FECH: variants seen among roughly 807,000 people sequenced by gnomAD.
FECH encodes ferrochelatase, mitochondrial.
FECH carries 40 observed loss-of-function variants against 56.9 expected under a neutral mutation model. The observed-to-expected ratio is 0.70, with a 90% CI of 0.55 to 0.92. The LOEUF (loss-of-function observed/expected upper bound fraction) is 0.92. FECH is among the 40% of genes least tolerant of loss of function. The pLI, the probability that FECH is intolerant of heterozygous loss-of-function variation, is 0.00. For synonymous variants in FECH, 175 were observed against 198.6 expected (o/e 0.88, Z 1.00); for missense variants, 431 against 529.1 (o/e 0.81, Z 1.82).
In FECH at chr18:57,545,992, A is replaced by G. The variant is rs760022638; in HGVS notation, c.*4720T>C. ...GGTTCCAGGATCCCCCACAGATACT[A>G]AAAGTTATCCACACTCAGGTCTCCA... is the stretch of plus-strand genomic sequence containing the variant. On this transcript the variant is annotated 3_prime_UTR_variant, in exon 11 of 11. Transcript: ENST00000262093. Among the ~76,000 whole-genome samples the G allele has an allele frequency of 2.4e-4, 36 of 152,210 alleles. No individual in the cohort carries two copies. Among genetic ancestry groups the G allele is most frequent in the Non-Finnish European group, 4.9e-4 (33 of 68,036 alleles).
At chr18:57,558,011 C>T (rs1009614147) in intron 7 of FECH, among the ~76,000 whole-genome samples, 3 of 152,218 alleles carry the variant, frequency 2.0e-5, no homozygotes, top group Non-Finnish European at 2.9e-5. Flanking sequence ...ACCGTCCACA[C>T]GAGGCCCAGC....
At chr18:57,568,335 G>A (rs1194832782) in intron 4 of FECH, among the ~76,000 whole-genome samples, 1 of 152,140 alleles carries the variant, frequency 6.6e-6, no homozygotes, top group Non-Finnish European at 1.5e-5. Flanking sequence ...TAAAGACAAG[G>A]GCAGGTGGCC....
chr18:57,551,707 C>G (rs1342909365), intron 9 of FECH, among the ~76,000 whole-genome samples: 2 of 151,974 alleles, frequency 1.3e-5, no homozygotes, highest in Non-Finnish European at 2.9e-5. Context: ...TTTTTATTCT[C>G]TTTTGCTAGT....
chr18:57,566,345 T>C, intron 5 of FECH, 102 bp downstream of exon 5: 4 of 1,535,658 alleles, frequency 2.6e-6, no homozygotes, highest in Non-Finnish European at 3.6e-6. Flanking sequence ...GAATTTGCCA[T>C]TCAAATTGCA....
chr18:57,582,563 G>T (rs748185119), intron 1 of FECH, among the ~76,000 whole-genome samples: 1 of 151,552 alleles, frequency 6.6e-6, no homozygotes, highest in Non-Finnish European at 1.5e-5. Flanking sequence ...AGACATTTGG[G>T]GGCAGCCTGG....
rs1222168760 is a variant in FECH at position 57,547,241 on chromosome 18, T to C, written c.*3471A>G. Reference sequence around the variant, plus strand: ...GGAATGAGTTAAGACTCTGGAGGACTGTTGTGAAGGCATGATTGGTTTTGA... The same window carrying C: ...GGAATGAGTTAAGACTCTGGAGGACCGTTGTGAAGGCATGATTGGTTTTGA... On this transcript the variant is annotated 3_prime_UTR_variant, in exon 11 of 11. Transcript: ENST00000262093. Among the ~76,000 whole-genome samples, 1 of 152,174 alleles carries C rather than the reference T, an allele frequency of 6.6e-6. No individual in the cohort carries two copies. Among genetic ancestry groups the C allele is most frequent in the African/African-American group, 2.4e-5 (1 of 41,440 alleles).
intron 1 of FECH, among the ~76,000 whole-genome samples, chr18:57,581,732 G>A (rs1180601129): frequency 1.3e-5 from 2 of 152,212 alleles, no homozygotes; most frequent in Admixed American, 6.5e-5. Flanking sequence ...GAAGCGTTCT[G>A]CAGTGTCCAC....
chr18:57,554,753 C>A, intron 8 of FECH, 92 bp downstream of exon 8: 1 of 1,037,224 alleles, frequency 9.6e-7, no homozygotes, highest in South Asian at 1.3e-5. Flanking sequence ...AGAGCCTGAC[C>A]ATGTGTAAGA....
At chr18:57,557,100 A>G (rs1461130629) in intron 7 of FECH, among the ~76,000 whole-genome samples, 1 of 152,048 alleles carries the variant, frequency 6.6e-6, no homozygotes, top group Non-Finnish European at 1.5e-5. Context: ...CCTGGAGTGC[A>G]GTTAATAGTA....
rs1390137806 is a variant in FECH at position 57,547,325 on chromosome 18, T to C, written c.*3387A>G. ...AGGGTGGAATGATATGATTTGGCTC[T>C]GTTCCCCACCCAAATCTCATTTCAA... On this transcript the variant is annotated 3_prime_UTR_variant, in exon 11 of 11. Coordinates refer to ENST00000262093, the MANE Select transcript of FECH (RefSeq NM_000140.5). 1.3e-5 allele frequency among the ~76,000 whole-genome samples: 2 copies of C among 152,180 alleles called. No homozygotes were observed. The highest frequency in any genetic ancestry group is 4.8e-5 in the African/African-American group (2 of 41,448).
chr18:57,568,655 T>A (rs1048857384), intron 4 of FECH, among the ~76,000 whole-genome samples: 20 of 152,270 alleles, frequency 1.3e-4, no homozygotes, highest in African/African-American at 4.8e-4. Context: ...CTCACTGGCC[T>A]AGCTTACGTA....
Position 57,571,264 on chromosome 18 carries a change from A to G in FECH, c.463+128T>C, listed in dbSNP as rs529454271. ...GGAGACCTAAATTAAGTGACCATGT[A>G]TTATGTAGAAACACCACAAATTGAG... On this transcript the variant is annotated intron_variant, in intron 4 of 10. Coordinates refer to ENST00000262093, the MANE Select transcript of FECH (RefSeq NM_000140.5). 8.7e-5 allele frequency: 83 copies of G among 959,194 alleles called. No individual in the cohort carries two copies. In the African/African-American group the frequency reaches 1.2e-3, roughly 14 times the overall value. 59.4% of individuals were successfully genotyped at this position (959,194 alleles called of 1,614,324 possible).
In FECH at chr18:57,549,647, A is replaced by G. The variant is rs2050770387; in HGVS notation, c.*1065T>C. ...GTGACAATGGCATTAAATGGCATTA[A>G]AAATATCTACAGGAAAGGACTACCA... On this transcript the variant is annotated 3_prime_UTR_variant, in exon 11 of 11. Coordinates refer to ENST00000262093, the MANE Select transcript of FECH (RefSeq NM_000140.5). The G allele has an allele frequency of 6.6e-6, 1 of 152,176 alleles. No individual in the cohort carries two copies. The highest frequency in any genetic ancestry group is 1.5e-5 in the Non-Finnish European group (1 of 68,026). 9.4% of individuals were successfully genotyped at this position (152,176 alleles called of 1,614,324 possible). A position where few individuals can be genotyped will look rare whatever the true frequency, so the allele number is the denominator to read the frequency against.
intron 9 of FECH, among the ~76,000 whole-genome samples, chr18:57,551,855 T>G (rs1421964171): frequency 6.6e-6 from 1 of 152,106 alleles, no homozygotes; most frequent in Non-Finnish European, 1.5e-5. Flanking sequence ...TGGAACCAAT[T>G]CAGAGTTGGG....
In FECH at chr18:57,550,835, G is replaced by C; in HGVS notation, c.1149C>G (p.Asp383Glu). ...GNPLFSKALA[D>E]LVHSHIQSNE... ...TTGACTGGATGTGTGAATGCACCAA[G>C]TCGGCCAGGGCCTGGAAGATAGACA... The change falls in exon 11 of 11, where the codon GAC (aspartate) becomes GAG (glutamate). Residue 383 changes from aspartate (D) to glutamate (E), a missense_variant. By Grantham distance (45) the Asp-to-Glu change is conservative. Transcript: ENST00000262093. 5.6e-6 allele frequency: 9 copies of C among 1,613,864 alleles called. No individual in the cohort carries two copies. Among genetic ancestry groups the C allele is most frequent in the Non-Finnish European group, 7.6e-6 (9 of 1,180,024 alleles).
At position 57,573,381 on chromosome 18, in the gene FECH, T is replaced by C; in HGVS notation, c.195-16A>G. On this transcript the variant is annotated splice_polypyrimidine_tract_variant and intron_variant, in intron 2 of 10. Coordinates refer to ENST00000262093, the MANE Select transcript of FECH (RefSeq NM_000140.5). ...TTTCGGCTTCCTATATAAAATAAAA[T>C]ACAACGGTTGATTTGTCACACTTCT... 1 of 1,613,930 alleles carries C rather than the reference T, an allele frequency of 6.2e-7. No individual in the cohort carries two copies. The highest frequency in any genetic ancestry group is 8.5e-7 in the Non-Finnish European group (1 of 1,179,934).
intron 4 of FECH, among the ~76,000 whole-genome samples, 174 bp from the exon 5 acceptor site, chr18:57,566,755 T>A (rs1220144796): frequency 1.3e-5 from 2 of 152,100 alleles, no homozygotes; most frequent in African/African-American, 2.4e-5. Flanking sequence ...CTTCAGCTGG[T>A]ATGTGAACTT....
chr18:57,565,944 T>A (rs2051010180), intron 5 of FECH, among the ~76,000 whole-genome samples: 1 of 151,998 alleles, frequency 6.6e-6, no homozygotes, highest in South Asian at 2.1e-4. Flanking sequence ...AAACAGAAAA[T>A]TCTGCAAAGG....
intron 2 of FECH, among the ~76,000 whole-genome samples, chr18:57,576,225 G>A (rs777560572): frequency 2.5e-4 from 38 of 152,122 alleles, no homozygotes; most frequent in Non-Finnish European, 4.6e-4. Context: ...TCCCCCTATT[G>A]AGAATCACTG....
Sources: gnomAD v4.1 joint callset for allele counts (sites outside exome capture counted in the v4.1 genomes callset) on GRCh38, gnomAD v4.1.1 for gene constraint, MANE v1.5 for transcripts, NCBI Gene and HGNC (gene_info 2026-07-23, HGNC 2026-07-21) for gene names.